Variants in MLLT3 observed in about 807,000 individuals in gnomAD.
MLLT3 encodes protein AF-9.
MLLT3 carries 4 observed loss-of-function variants against 53.2 expected under a neutral mutation model. The ratio of observed to expected loss-of-function variants is 0.08; its 90% confidence interval spans 0.04 to 0.17. The LOEUF (loss-of-function observed/expected upper bound fraction) is 0.17, where lower values mean the gene tolerates loss of function less well. Among genes scored for constraint, MLLT3 ranks in the 10% least tolerant of loss-of-function variants. The probability of loss-of-function intolerance (pLI) is 1.00; values close to 1 mark genes in which losing one functional copy is unlikely to be tolerated. For missense variants in MLLT3, 569 were observed against 684.0 expected (o/e 0.83, Z 1.87); for synonymous variants, 283 against 230.6 (o/e 1.23, Z -2.06).
chr9:20,377,775 T>C (rs1821805324), intron 5 of MLLT3, among the ~76,000 whole-genome samples: 1 of 152,124 alleles, frequency 6.6e-6, no homozygotes, highest in Admixed American at 6.5e-5. Flanking sequence ...TTTTATTTGC[T>C]AAGAACTTAT....
chr9:20,498,361 T>G (rs1212100333), intron 2 of MLLT3, among the ~76,000 whole-genome samples: 1 of 152,088 alleles, frequency 6.6e-6, no homozygotes, highest in Non-Finnish European at 1.5e-5. Flanking sequence ...TTCTATTGGT[T>G]TTAATTTGCA....
At chr9:20,455,355 T>A (rs1301205947) in intron 3 of MLLT3, among the ~76,000 whole-genome samples, 1 of 152,238 alleles carries the variant, frequency 6.6e-6, no homozygotes, top group African/African-American at 2.4e-5. Flanking sequence ...GAGACTGCTA[T>A]AAGTTAAAAA....
chr9:20,455,273 C>T (rs1351727889), intron 3 of MLLT3, among the ~76,000 whole-genome samples: 1 of 152,210 alleles, frequency 6.6e-6, no homozygotes, highest in Non-Finnish European at 1.5e-5. Context: ...AAATTAGGAG[C>T]ATAGCCAATG....
intron 5 of MLLT3, among the ~76,000 whole-genome samples, chr9:20,392,073 G>A (rs980269602): frequency 1.2e-4 from 18 of 152,204 alleles, no homozygotes; most frequent in Middle Eastern, 3.4e-3. Flanking sequence ...GAACTTCACC[G>A]GAAAAATATC....
At chr9:20,420,873 G>A (rs1822991271) in intron 4 of MLLT3, among the ~76,000 whole-genome samples, 1 of 152,110 alleles carries the variant, frequency 6.6e-6, no homozygotes. Flanking sequence ...TGTATCCATA[G>A]AACACTGATA....
chr9:20,611,764 A>G (rs1820708874), intron 2 of MLLT3, among the ~76,000 whole-genome samples: 1 of 152,166 alleles, frequency 6.6e-6, no homozygotes, highest in Admixed American at 6.5e-5. Context: ...CTATCGTAAT[A>G]GCCTTCTTCA....
intron 5 of MLLT3, among the ~76,000 whole-genome samples, chr9:20,384,553 C>G (rs1821983217): frequency 6.6e-6 from 1 of 152,018 alleles, no homozygotes; most frequent in African/African-American, 2.4e-5. Flanking sequence ...TCTTAATGCT[C>G]AGTTTGTACC....
chr9:20,509,996 T>C (rs1825489336), intron 2 of MLLT3, among the ~76,000 whole-genome samples: 1 of 152,072 alleles, frequency 6.6e-6, no homozygotes, highest in Admixed American at 6.5e-5. Flanking sequence ...ATTATGTGAA[T>C]CAAATGTGAA....
At chr9:20,546,712 T>C (rs778826678) in intron 2 of MLLT3, among the ~76,000 whole-genome samples, 5 of 152,132 alleles carry the variant, frequency 3.3e-5, no homozygotes, top group Non-Finnish European at 5.9e-5. Context: ...AACCCGGAGA[T>C]CCATTCCTTA....
intron 5 of MLLT3, among the ~76,000 whole-genome samples, chr9:20,396,769 G>C (rs1455296547): frequency 6.6e-6 from 1 of 152,068 alleles, no homozygotes; most frequent in Non-Finnish European, 1.5e-5. Context: ...GTATGACACT[G>C]TCATTGATAA....
At chr9:20,607,639 T>C (rs1368202134) in intron 2 of MLLT3, among the ~76,000 whole-genome samples, 2 of 152,244 alleles carry the variant, frequency 1.3e-5, no homozygotes, top group African/African-American at 2.4e-5. Context: ...TTGTATTTTA[T>C]GGATTTTGTA....
rs529331704 is a variant in MLLT3, at chr9:20,459,838, C to T, written c.194-3052G>A. 6.6e-5 allele frequency among the ~76,000 whole-genome samples: 10 copies of T among 152,196 alleles called. No individual in the cohort carries two copies. In the East Asian group the frequency reaches 1.9e-3, roughly 29 times the overall value. On this transcript the variant is annotated intron_variant, in intron 2 of 10. Coordinates refer to ENST00000380338, the MANE Select transcript of MLLT3 (RefSeq NM_004529.4). ...TAATTATTTTTAAATGCAACAATTTCATCAATAACAATGAACAATGTCTGT... is the reference window on the plus strand; with the variant it reads ...TAATTATTTTTAAATGCAACAATTTTATCAATAACAATGAACAATGTCTGT...
intron 2 of MLLT3, among the ~76,000 whole-genome samples, chr9:20,591,852 A>T (rs950869210): frequency 1.2e-4 from 19 of 152,204 alleles, no homozygotes; most frequent in African/African-American, 4.3e-4. Context: ...AGAAAGGAAG[A>T]GTGTTTTTAA....
chr9:20,515,600 G>A (rs1355157603), intron 2 of MLLT3, among the ~76,000 whole-genome samples: 2 of 152,102 alleles, frequency 1.3e-5, no homozygotes, highest in African/African-American at 4.8e-5. Flanking sequence ...CATACTCACC[G>A]TTTTGTTTTT....
intron 4 of MLLT3, among the ~76,000 whole-genome samples, chr9:20,426,257 C>T (rs1454394178): frequency 3.3e-5 from 5 of 152,208 alleles, no homozygotes; most frequent in Non-Finnish European, 5.9e-5. Flanking sequence ...ATTTATATCA[C>T]TTCTCTTTCT....
At position 20,552,026 on chromosome 9, in the gene MLLT3, T is replaced by C. The variant is rs117045922; in HGVS notation, c.193+68628A>G. On this transcript the variant is annotated intron_variant, in intron 2 of 10. Coordinates refer to ENST00000380338, the MANE Select transcript of MLLT3 (RefSeq NM_004529.4). ...AAGTCATCAGATCCACCCACCCGGA[T>C]CCCTTTATGACTGTAAAGTTTATGG... Among the ~76,000 whole-genome samples, 1,449 of 152,336 alleles carry C rather than the reference T, an allele frequency of 9.5e-3. 53 individuals are homozygous for C. In the East Asian group the frequency reaches 0.12, roughly 12 times the overall value.
intron 5 of MLLT3, among the ~76,000 whole-genome samples, chr9:20,392,385 C>T (rs531397199): frequency 1.3e-5 from 2 of 152,232 alleles, no homozygotes; most frequent in African/African-American, 4.8e-5. Flanking sequence ...TTTGATATGA[C>T]TGACATACAA....
At chr9:20,499,393 G>A (rs1825162162) in intron 2 of MLLT3, among the ~76,000 whole-genome samples, 1 of 152,148 alleles carries the variant, frequency 6.6e-6, no homozygotes, top group Non-Finnish European at 1.5e-5. Context: ...GATACAGGGA[G>A]GCTATGCATG....
chr9:20,576,736 A>G (rs1487679662), intron 2 of MLLT3, among the ~76,000 whole-genome samples: 1 of 152,206 alleles, frequency 6.6e-6, no homozygotes, highest in Non-Finnish European at 1.5e-5. Context: ...ATATACTGCA[A>G]GCATTACCAA....
Sources: allele counts gnomAD v4.1 joint callset (sites outside exome capture counted in the v4.1 genomes callset), GRCh38; gene constraint gnomAD v4.1.1; transcripts MANE v1.5; gene names NCBI Gene and HGNC (gene_info 2026-07-23, HGNC 2026-07-21).